Variants in NRXN3 observed in about 807,000 individuals in gnomAD.
NRXN3 encodes the protein neurexin III.
In NRXN3, 32 loss-of-function variants were observed where a neutral mutation model predicts 137.6. The observed-to-expected ratio is 0.23, with a 90% CI of 0.18 to 0.31. The LOEUF is 0.31. Ranked by LOEUF, NRXN3 falls within the 10% of genes least tolerant of loss-of-function variation. The probability of loss-of-function intolerance (pLI) is 1.00; values close to 1 mark genes in which losing one functional copy is unlikely to be tolerated. For missense variants in NRXN3, 1,574 were observed against 2,062.5 expected (o/e 0.76, Z 4.59); for synonymous variants, 798 against 784.5 (o/e 1.02, Z -0.29).
chr14:79,282,916 C>T (rs2081522169), intron 15 of NRXN3, among the ~76,000 whole-genome samples: 1 of 152,260 alleles, frequency 6.6e-6, no homozygotes, highest in Non-Finnish European at 1.5e-5. Flanking sequence ...AGCATAAAAT[C>T]AAGAGAAGCA....
chr14:78,594,226 C>T (rs1488412583), intron 4 of NRXN3, among the ~76,000 whole-genome samples: 1 of 152,190 alleles, frequency 6.6e-6, no homozygotes, highest in Non-Finnish European at 1.5e-5. Flanking sequence ...GGGCGTGCCT[C>T]CTCGGCAAGC....
intron 10 of NRXN3, among the ~76,000 whole-genome samples, chr14:78,826,753 G>C (rs1195660634): frequency 6.6e-6 from 1 of 152,028 alleles, no homozygotes; most frequent in Non-Finnish European, 1.5e-5. Context: ...TCTATATTTT[G>C]GTATACTTTT....
intron 3 of NRXN3, among the ~76,000 whole-genome samples, chr14:78,296,817 T>A (rs1409648687): frequency 2.0e-5 from 3 of 152,182 alleles, no homozygotes; most frequent in Admixed American, 1.3e-4. Flanking sequence ...GAGATTTCCA[T>A]ACTTTTTTTT....
chr14:78,441,859 G>C (rs2094260629), intron 4 of NRXN3, among the ~76,000 whole-genome samples: 1 of 152,132 alleles, frequency 6.6e-6, no homozygotes, highest in Non-Finnish European at 1.5e-5. Flanking sequence ...CACTTTGGGA[G>C]GCCCAGGCAG....
chr14:79,263,173 C>T (rs1440016719), intron 15 of NRXN3, among the ~76,000 whole-genome samples: 1 of 152,140 alleles, frequency 6.6e-6, no homozygotes, highest in African/African-American at 2.4e-5. Context: ...TGAACACATC[C>T]TTTAATGGAA....
At chr14:78,358,511 C>G (rs2084653423) in intron 4 of NRXN3, among the ~76,000 whole-genome samples, 1 of 152,182 alleles carries the variant, frequency 6.6e-6, no homozygotes. Context: ...CCGCTTGCTT[C>G]AAGAACACTA....
intron 15 of NRXN3, among the ~76,000 whole-genome samples, chr14:79,415,385 C>G (rs2095481884): frequency 1.3e-5 from 2 of 151,970 alleles, no homozygotes; most frequent in African/African-American, 2.4e-5. Flanking sequence ...AGTGTAACAA[C>G]TATTTACTTA....
intron 16 of NRXN3, among the ~76,000 whole-genome samples, chr14:79,513,409 C>G (rs1238493124): frequency 6.6e-6 from 1 of 152,190 alleles, no homozygotes; most frequent in African/African-American, 2.4e-5. Flanking sequence ...CTAAACCACC[C>G]TTTGCCATGA....
chr14:78,666,975 T>A (rs1377060820), intron 6 of NRXN3, among the ~76,000 whole-genome samples: 3 of 152,198 alleles, frequency 2.0e-5, no homozygotes, highest in Non-Finnish European at 4.4e-5. Context: ...AATGTATGTT[T>A]TAAGTTCTTT....
At chr14:78,824,034 A>T (rs2098958996) in intron 10 of NRXN3, among the ~76,000 whole-genome samples, 1 of 149,884 alleles carries the variant, frequency 6.7e-6, no homozygotes, top group Non-Finnish European at 1.5e-5. Context: ...TACTGTAAAG[A>T]GGGAGAGAGA....
chr14:79,409,208 G>A (rs1478121577), intron 15 of NRXN3, among the ~76,000 whole-genome samples: 1 of 151,878 alleles, frequency 6.6e-6, no homozygotes. Flanking sequence ...AGTAACAGGA[G>A]CTCAGGGTAG....
intron 4 of NRXN3, among the ~76,000 whole-genome samples, chr14:78,406,263 C>T (rs898533410): frequency 1.2e-4 from 18 of 152,202 alleles, no homozygotes; most frequent in Middle Eastern, 3.4e-3. Context: ...ATCAATGTGA[C>T]CAAGGTCTGG....
intron 15 of NRXN3, among the ~76,000 whole-genome samples, chr14:79,455,293 A>G (rs1174007585): frequency 6.6e-6 from 1 of 152,148 alleles, no homozygotes; most frequent in Non-Finnish European, 1.5e-5. Context: ...TGTCCCCACC[A>G]TCTCCCAAAG....
intron 19 of NRXN3, among the ~76,000 whole-genome samples, chr14:79,739,540 A>G (rs2098953312): frequency 6.8e-6 from 1 of 146,486 alleles, no homozygotes; most frequent in African/African-American, 2.5e-5. Flanking sequence ...GCTACTCAGG[A>G]GGCTGAGGCA....
chr14:79,407,840 A>G (rs1441754728), intron 15 of NRXN3, among the ~76,000 whole-genome samples: 2 of 152,142 alleles, frequency 1.3e-5, no homozygotes, highest in African/African-American at 2.4e-5. Context: ...TGAGTCACTC[A>G]GAACAGTGCC....
At chr14:79,734,620 C>A (rs991551621) in intron 19 of NRXN3, among the ~76,000 whole-genome samples, 1 of 151,978 alleles carries the variant, frequency 6.6e-6, no homozygotes, top group Admixed American at 6.6e-5. Context: ...TTACTCATAA[C>A]CCCTATTTTT....
intron 10 of NRXN3, among the ~76,000 whole-genome samples, chr14:78,816,025 C>A (rs894727336): frequency 6.6e-6 from 1 of 152,116 alleles, no homozygotes; most frequent in Non-Finnish European, 1.5e-5. Context: ...CTTCATAACG[C>A]ATATTTTTGC....
chr14:79,633,834 T>C (rs760284438), intron 16 of NRXN3, among the ~76,000 whole-genome samples: 1 of 152,182 alleles, frequency 6.6e-6, no homozygotes, highest in South Asian at 2.1e-4. Context: ...CTTCTTGGGA[T>C]GAGCCAACTG....
rs557046817 is a variant in NRXN3, at chr14:79,328,168, G to A, written c.3263-139053G>A. Among the ~76,000 whole-genome samples, 5 of 152,278 alleles carry A rather than the reference G, an allele frequency of 3.3e-5. No homozygotes were observed. The South Asian group carries it at 1.0e-3, about 32-fold the overall frequency. On this transcript the variant is annotated intron_variant, in intron 15 of 20. Coordinates refer to ENST00000335750, the MANE Select transcript of NRXN3 (RefSeq NM_001330195.2). The stretch of plus-strand genomic sequence containing the variant: ...AAAAGAAAAAGAAATTATTATAAAT[G>A]TAAAGTAATTAAAAGTATATTATTT...
Sources: allele counts gnomAD v4.1 joint callset (sites outside exome capture counted in the v4.1 genomes callset), GRCh38; gene constraint gnomAD v4.1.1; transcripts MANE v1.5; gene names NCBI Gene and HGNC (gene_info 2026-07-23, HGNC 2026-07-21).